The following SAMHD1 variants were observed in gnomAD, a reference collection of about 807,000 sequenced individuals.
The protein encoded by SAMHD1 is SAM and HD domain containing deoxynucleoside triphosphate triphosphohydrolase 1.
In SAMHD1, 54 loss-of-function variants were observed where a neutral mutation model predicts 79.6. The ratio of observed to expected loss-of-function variants is 0.68; its 90% CI spans 0.55 to 0.85. The LOEUF (loss-of-function observed/expected upper bound fraction) is 0.85, where lower values mean the gene tolerates loss of function less well. Among genes scored for constraint, SAMHD1 ranks in the 40% least tolerant of loss-of-function variants. SAMHD1 has a pLI of 0.00. For synonymous variants in SAMHD1, 260 were observed against 264.1 expected (o/e 0.98, Z 0.15); for missense variants, 663 against 782.7 (o/e 0.85, Z 1.82).
At position 36,912,444 on chromosome 20, in the gene SAMHD1, A is replaced by T. The variant is rs747317978; in HGVS notation, c.1154+17T>A. On this transcript the variant is annotated intron_variant, in intron 10 of 15. Transcript: ENST00000646673. ...TCAAGGAAAATTTTATAGGGAAATG[A>T]CAATCAAGTTTCTTACATTGTATCA... 1.9e-6 allele frequency: 3 copies of T among 1,546,150 alleles called. No individual in the cohort carries two copies. The highest frequency in any genetic ancestry group is 2.7e-6 in the Non-Finnish European group (3 of 1,118,346).
chr20:36,894,369 TGGGATTATAG>T (rs1990156865), intron 15 of SAMHD1: 2 of 152,504 alleles, frequency 1.3e-5, no homozygotes, highest in South Asian at 4.2e-4. Flanking sequence ...CCCAAGTAGC[TGGGATTATAG>T]GTGTGCATCA....
intron 4 of SAMHD1, among the ~76,000 whole-genome samples, chr20:36,932,300 G>A (rs1013057319): frequency 1.4e-5 from 2 of 139,118 alleles, no homozygotes; most frequent in Non-Finnish European, 3.0e-5. Context: ...GTGGTGAGCC[G>A]AGATTGCGCC....
chr20:36,920,442 T>C (rs1252693732), intron 6 of SAMHD1, among the ~76,000 whole-genome samples: 1 of 152,148 alleles, frequency 6.6e-6, no homozygotes, highest in African/African-American at 2.4e-5. Context: ...GAAACAATTC[T>C]TGCTCCAGAA....
chr20:36,930,846 T>G lies in SAMHD1; in HGVS notation c.539A>C (p.His180Pro). The change falls in exon 5 of 16, where the codon CAC becomes CCC. Residue 180 changes from histidine to proline, a missense_variant. By Grantham distance (77) the His-to-Pro change is moderately conservative. Coordinates refer to ENST00000646673, the MANE Select transcript of SAMHD1 (RefSeq NM_015474.4). ...CTCTGGTTGTTTTTCACCCAGTGCG[T>G]GAACTAGACATCCTGCTAGATACCC... ...GVGYLAGCLV[H>P]ALGEKQPELQ... The G allele has an allele frequency of 6.2e-7, 1 of 1,613,926 alleles. No homozygotes were observed. Among genetic ancestry groups the G allele is most frequent in the Non-Finnish European group, 8.5e-7 (1 of 1,179,840 alleles).
intron 3 of SAMHD1, among the ~76,000 whole-genome samples, chr20:36,935,781 G>T (rs919319336): frequency 3.9e-5 from 6 of 152,138 alleles, no homozygotes; most frequent in Non-Finnish European, 5.9e-5. Context: ...ATGTTGGCCA[G>T]GCTGGCCGCG....
intron 11 of SAMHD1, among the ~76,000 whole-genome samples, chr20:36,907,321 C>T (rs994918622): frequency 6.0e-5 from 9 of 151,136 alleles, no homozygotes; most frequent in Admixed American, 6.6e-5. Context: ...TGAAGTGGCA[C>T]GTGATCATGG....
intron 1 of SAMHD1, among the ~76,000 whole-genome samples, chr20:36,948,791 C>T (rs530238792): frequency 2.5e-4 from 36 of 146,206 alleles, no homozygotes; most frequent in Admixed American, 4.8e-4. Flanking sequence ...TGCTTGAACC[C>T]GGGAGGCAGA....
chr20:36,899,535 G>C (rs188213475), intron 13 of SAMHD1, among the ~76,000 whole-genome samples: 37 of 152,234 alleles, frequency 2.4e-4, no homozygotes, highest in Admixed American at 9.2e-4. Flanking sequence ...AAAAGCAAAG[G>C]GTGCTTTGAA....
chr20:36,949,942 C>A (rs1191285803), intron 1 of SAMHD1, among the ~76,000 whole-genome samples: 1 of 151,860 alleles, frequency 6.6e-6, no homozygotes, highest in Non-Finnish European at 1.5e-5. Context: ...AGAAACTGAC[C>A]AGAGGGAGGC....
chr20:36,935,049 A>AT lies in SAMHD1; in HGVS notation c.488dup (p.Asn163LysfsTer4). On this transcript the variant is annotated frameshift_variant, in exon 4 of 16. Coordinates refer to ENST00000646673, the MANE Select transcript of SAMHD1 (RefSeq NM_015474.4). LOFTEE classifies it high-confidence loss of function. ...CTTACCCTAGACTATGCTCAAATCG[A>AT]TTGTGTGAAGCTCCTGGAAAAACAT... 6.2e-7 allele frequency: 1 copy of AT among 1,614,030 alleles called. No homozygotes were observed. Among genetic ancestry groups the AT allele is most frequent in the Non-Finnish European group, 8.5e-7 (1 of 1,180,010 alleles).
rs536642203 is a variant in SAMHD1, at chr20:36,938,968, C to T, written c.348+2071G>A. On this transcript the variant is annotated intron_variant, in intron 3 of 15. Coordinates refer to ENST00000646673, the MANE Select transcript of SAMHD1 (RefSeq NM_015474.4). The stretch of plus-strand genomic sequence containing the variant: ...AAGCCTAGAACGGGCTGGTGGCTCA[C>T]GCCTGTAATCCCAGCACTTTGGGAG... 1.9e-3 allele frequency among the ~76,000 whole-genome samples: 286 copies of T among 148,522 alleles called. 1 individual carries two copies. The highest frequency in any genetic ancestry group is 6.6e-3 in the African/African-American group (266 of 40,082).
At chr20:36,945,314 A>C (rs1443597032) in intron 2 of SAMHD1, among the ~76,000 whole-genome samples, 1 of 152,226 alleles carries the variant, frequency 6.6e-6, no homozygotes, top group Non-Finnish European at 1.5e-5. Flanking sequence ...AGGTACAGAA[A>C]CTGAAGGGTT....
Position 36,935,064 on chromosome 20 carries a change from TG to T in SAMHD1, c.473del (p.Pro158GlnfsTer12), listed in dbSNP as rs2063594451. The part of the protein sequence containing the change: ...KQLGGGYYVF[P>X]GASHNRFEHS... ...GCTCAAATCGATTGTGTGAAGCTCC[TG>T]GAAAAACATAGTAACCACCTCCCAG... On this transcript the variant is annotated frameshift_variant, in exon 4 of 16. Coordinates refer to ENST00000646673, the MANE Select transcript of SAMHD1 (RefSeq NM_015474.4). LOFTEE classifies it high-confidence loss of function. The T allele has an allele frequency of 6.2e-7, 1 of 1,614,030 alleles. No individual in the cohort carries two copies. The highest frequency in any genetic ancestry group is 1.3e-5 in the African/African-American group (1 of 74,924).
In SAMHD1 at chr20:36,933,020, T is replaced by A. The variant is rs190789767; in HGVS notation, c.509+2009A>T. 9.2e-5 allele frequency among the ~76,000 whole-genome samples: 14 copies of A among 152,284 alleles called. No individual in the cohort carries two copies. In the East Asian group the frequency reaches 2.7e-3, roughly 29 times the overall value. On this transcript the variant is annotated intron_variant, in intron 4 of 15. Coordinates refer to ENST00000646673, the MANE Select transcript of SAMHD1 (RefSeq NM_015474.4). Reference sequence around the variant, plus strand: ...CCAGCACTTCCATCTGAGCCATTCCTAAATTCTTTTCCCCTGAACTCTGAG... The same window carrying A: ...CCAGCACTTCCATCTGAGCCATTCCAAAATTCTTTTCCCCTGAACTCTGAG...
intron 2 of SAMHD1, among the ~76,000 whole-genome samples, chr20:36,942,844 G>A (rs1042102345): frequency 6.6e-6 from 1 of 152,006 alleles, no homozygotes; most frequent in East Asian, 1.9e-4. Context: ...TTTTAGTAGA[G>A]ACAGGGTTTC....
At chr20:36,948,184 A>T (rs1271868843) in intron 1 of SAMHD1, among the ~76,000 whole-genome samples, 1 of 152,060 alleles carries the variant, frequency 6.6e-6, no homozygotes, top group East Asian at 1.9e-4. Context: ...TTCCATAATG[A>T]GAAAAGGGAC....
At chr20:36,945,906 T>A (rs2063682922) in intron 2 of SAMHD1, among the ~76,000 whole-genome samples, 1 of 151,140 alleles carries the variant, frequency 6.6e-6, no homozygotes, top group African/African-American at 2.4e-5. Context: ...TCTGTCTCAA[T>A]AAATAAATAA....
chr20:36,921,489 C>T (rs1185794533), intron 6 of SAMHD1, among the ~76,000 whole-genome samples: 1 of 150,850 alleles, frequency 6.6e-6, no homozygotes, highest in African/African-American at 2.4e-5. Context: ...ACAGACAATG[C>T]CTTAATCAAG....
At chr20:36,912,751 ATTT>A (rs66970329) in intron 9 of SAMHD1, among the ~76,000 whole-genome samples, 199 bp from the exon 10 acceptor site, 1 of 107,056 alleles carries the variant, frequency 9.3e-6, no homozygotes, top group Non-Finnish European at 1.9e-5. Flanking sequence ...TGCAACTTTC[ATTT>A]TTTTTTTTTT....
Sources: gnomAD v4.1 joint callset for allele counts (sites outside exome capture counted in the v4.1 genomes callset) on GRCh38, gnomAD v4.1.1 for gene constraint, MANE v1.5 for transcripts, NCBI Gene and HGNC (gene_info 2026-07-23, HGNC 2026-07-21) for gene names.